Variants in SPTLC2 observed in about 807,000 individuals in gnomAD.
SPTLC2 encodes serine palmitoyltransferase long chain base subunit 2, also known as serine palmitoyltransferase 2.
A neutral mutation model predicts 62.0 loss-of-function variants in SPTLC2; 21 were observed. That is an observed-to-expected ratio of 0.34 (90% CI 0.24 to 0.49). The LOEUF is 0.49. SPTLC2 is among the 20% of genes least tolerant of loss of function. SPTLC2 has a pLI of 0.99. For missense variants in SPTLC2, 511 were observed against 713.0 expected, an observed-to-expected ratio of 0.72 and a Z score of 3.23; for synonymous variants, 261 against 261.8, an observed-to-expected ratio of 1.00 and a Z score of 0.03.
At chr14:77,514,846 T>G (rs1367951078) in intron 11 of SPTLC2, among the ~76,000 whole-genome samples, 3 of 152,360 alleles carry the variant, frequency 2.0e-5, no homozygotes, top group African/African-American at 7.2e-5. Flanking sequence ...ATCTATTTTC[T>G]GACCCTATGA....
intron 9 of SPTLC2, chr14:77,547,610 T>TATTC (rs2079535375): frequency 6.6e-6 from 1 of 152,216 alleles, no homozygotes; most frequent in African/African-American, 2.4e-5. Context: ...GTGCAGTGGC[T>TATTC]ATTCACAGGC....
At position 77,616,628 on chromosome 14, in the gene SPTLC2, G is replaced by A; in HGVS notation, c.-49C>T. The A allele has an allele frequency of 1.3e-6, 2 of 1,510,956 alleles. No homozygotes were observed. The highest frequency in any genetic ancestry group is 1.8e-6 in the Non-Finnish European group (2 of 1,127,142). The allele number at this position is 1,510,956 out of a possible 1,614,324, so 93.6% of individuals were successfully genotyped here. A position where few individuals can be genotyped will look rare whatever the true frequency, so the allele number is the denominator to read the frequency against. On this transcript the variant is annotated 5_prime_UTR_variant, in exon 1 of 12. Transcript: ENST00000216484. ...GGCAGGCTCTGTAGGCGGTGGCAGC[G>A]GCGGCGGCTGCTCCAAGTCCCGCTC...
At chr14:77,595,071 TTA>T (rs1297694700) in intron 2 of SPTLC2, among the ~76,000 whole-genome samples, 4 of 152,118 alleles carry the variant, frequency 2.6e-5, no homozygotes, top group Middle Eastern at 3.4e-3. Flanking sequence ...TCAAAACGTA[TTA>T]AAAATGTGGG....
intron 9 of SPTLC2, among the ~76,000 whole-genome samples, chr14:77,538,491 G>A (rs1403047407): frequency 6.6e-6 from 1 of 152,206 alleles, no homozygotes; most frequent in Non-Finnish European, 1.5e-5. Flanking sequence ...AAGCAGTAAT[G>A]CAGGTCTCAG....
chr14:77,615,520 A>C (rs1222398573), intron 1 of SPTLC2, among the ~76,000 whole-genome samples: 1 of 152,258 alleles, frequency 6.6e-6, no homozygotes, highest in Non-Finnish European at 1.5e-5. Flanking sequence ...ATTAAAGTCA[A>C]CTGCAAAATT....
chr14:77,615,482 C>G (rs1047849373), intron 1 of SPTLC2, among the ~76,000 whole-genome samples: 2 of 152,196 alleles, frequency 1.3e-5, no homozygotes, highest in Admixed American at 1.3e-4. Context: ...TCTAAGCGTT[C>G]CTTAATATCT....
intron 9 of SPTLC2, among the ~76,000 whole-genome samples, chr14:77,525,423 T>G (rs546356882): frequency 7.3e-5 from 11 of 151,462 alleles, no homozygotes; most frequent in Non-Finnish European, 1.5e-4. Context: ...AAATCCCATC[T>G]CTACCAAAAA....
In SPTLC2 at chr14:77,576,915, C is replaced by G; in HGVS notation, c.483G>C (p.Lys161Asn). 6.2e-7 allele frequency: 1 copy of G among 1,613,970 alleles called. No homozygotes were observed. Among genetic ancestry groups the G allele is most frequent in the Non-Finnish European group, 8.5e-7 (1 of 1,180,000 alleles). Residue 161 changes from lysine to asparagine, a missense_variant and splice_region_variant, in exon 4 of 12, where the codon AAG becomes AAC. Transcript: ENST00000216484. ...RQSHDYNWSF[K>N]YTGNIIKGVI... ...CACCCTTTATTATATTCCCTGTATA[C>G]CTGTGCATCAATAGCATAAAACAAT...
intron 6 of SPTLC2, among the ~76,000 whole-genome samples, chr14:77,558,354 A>T (rs992318141): frequency 6.6e-6 from 1 of 152,108 alleles, no homozygotes; most frequent in Non-Finnish European, 1.5e-5. Context: ...CCTATCATAA[A>T]ATCTGATTTT....
At chr14:77,570,222 CAAAAAAAAA>C (rs35086251) in intron 5 of SPTLC2, among the ~76,000 whole-genome samples, 153 bp downstream of exon 5, 3 of 111,404 alleles carry the variant, frequency 2.7e-5, no homozygotes, top group Non-Finnish European at 3.6e-5. Flanking sequence ...GACTCCATCT[CAAAAAAAAA>C]AAAAAAAAAG....
chr14:77,544,598 T>C (rs2079518359), intron 9 of SPTLC2, among the ~76,000 whole-genome samples: 2 of 152,302 alleles, frequency 1.3e-5, no homozygotes, highest in South Asian at 4.1e-4. Flanking sequence ...TAAAAGTACC[T>C]CTGATGCAGG....
chr14:77,606,335 AAACAAC>A (rs142482716), intron 1 of SPTLC2, among the ~76,000 whole-genome samples: 1 of 151,918 alleles, frequency 6.6e-6, no homozygotes, highest in African/African-American at 2.4e-5. Flanking sequence ...CTGTCTCAAA[AAACAAC>A]AACAACTTTT....
chr14:77,532,739 G>A (rs1450535024), intron 9 of SPTLC2, among the ~76,000 whole-genome samples: 30 of 152,012 alleles, frequency 2.0e-4, no homozygotes, highest in Admixed American at 9.2e-4. Context: ...AGCCGAGATA[G>A]TGCCACTGCA....
chr14:77,570,988 G>A (rs56286233), intron 4 of SPTLC2, among the ~76,000 whole-genome samples: 11,937 of 152,232 alleles, frequency 0.078, 606 homozygotes, highest in Admixed American at 0.15. Flanking sequence ...GAGAAACAGA[G>A]ATGCCCAGCC....
At chr14:77,574,945 C>T (rs2079706091) in intron 4 of SPTLC2, among the ~76,000 whole-genome samples, 1 of 152,178 alleles carries the variant, frequency 6.6e-6, no homozygotes, top group Non-Finnish European at 1.5e-5. Context: ...TGGTGACTCA[C>T]ACCTATAATC....
chr14:77,524,550 G>A (rs1005900996), intron 9 of SPTLC2, among the ~76,000 whole-genome samples: 2 of 152,156 alleles, frequency 1.3e-5, no homozygotes, highest in African/African-American at 4.8e-5. Flanking sequence ...TCAAAGGGAT[G>A]TGTGCACAGC....
intron 9 of SPTLC2, among the ~76,000 whole-genome samples, chr14:77,541,350 A>C (rs2079499802): frequency 6.6e-6 from 1 of 152,142 alleles, no homozygotes; most frequent in Non-Finnish European, 1.5e-5. Flanking sequence ...TACAAAATTT[A>C]AATATAAATA....
intron 2 of SPTLC2, among the ~76,000 whole-genome samples, chr14:77,589,845 G>A (rs529975270): frequency 6.6e-6 from 1 of 151,750 alleles, no homozygotes; most frequent in South Asian, 2.1e-4. Flanking sequence ...GGGCGTGGTG[G>A]TGCACGCCTG....
chr14:77,578,080 G>A (rs916218897), intron 3 of SPTLC2, among the ~76,000 whole-genome samples: 8 of 152,180 alleles, frequency 5.3e-5, no homozygotes, highest in Non-Finnish European at 1.2e-4. Flanking sequence ...GGGAGGTGGA[G>A]GTTGCAGTGG....
Sources: allele counts gnomAD v4.1 joint callset (sites outside exome capture counted in the v4.1 genomes callset), GRCh38; gene constraint gnomAD v4.1.1; transcripts MANE v1.5; gene names NCBI Gene and HGNC (gene_info 2026-07-23, HGNC 2026-07-21).